GATA5: variants seen among roughly 807,000 people sequenced by gnomAD.
The protein encoded by GATA5 is GATA binding protein 5.
Under a neutral mutation model 35.0 loss-of-function variants are expected in GATA5, and 27 were observed. The observed-to-expected ratio is 0.77, with a 90% CI of 0.57 to 1.06. GATA5 has a LOEUF of 1.06. Among genes scored for constraint, GATA5 ranks in the 50% least tolerant of loss-of-function variants. The probability of loss-of-function intolerance (pLI) is 0.00; values close to 1 mark genes in which losing one functional copy is unlikely to be tolerated. For missense variants in GATA5, 612 were observed against 580.0 expected, an observed-to-expected ratio of 1.06 and a Z score of -0.57; for synonymous variants, 306 against 267.8, an observed-to-expected ratio of 1.14 and a Z score of -1.39.
In GATA5 at chr20:62,465,436, T is replaced by C; in HGVS notation, c.942A>G (p.Pro314=). The part of the protein sequence containing the change: ...SGSTRNASAS[P]SAVASTDSSA... ...AGCTGTCAGTGCTGGCGACAGCAGATGGGGAGGCCGAGGCATTCCTTGTGG... is the reference window on the plus strand; with the variant it reads ...AGCTGTCAGTGCTGGCGACAGCAGACGGGGAGGCCGAGGCATTCCTTGTGG... Residue 314 remains proline (P), a synonymous_variant, in exon 6 of 7, where the codon CCA becomes CCG. Transcript: ENST00000252997. 1 of 1,609,024 alleles carries C rather than the reference T, an allele frequency of 6.2e-7. No homozygotes were observed. The highest frequency in any genetic ancestry group is 8.5e-7 in the Non-Finnish European group (1 of 1,179,660).
In GATA5 at chr20:62,475,030, C is replaced by G. The variant is rs111633561; in HGVS notation, c.492G>C (p.Leu164=). The change falls in exon 2 of 7, where the codon CTG becomes CTC. Residue 164 remains leucine, a synonymous_variant. Transcript: ENST00000252997. ...TGGGCCTGCGGCCTGGGAGGCCGTG[C>G]AGGACGCTGCCATCGAAGGGCCCGG... The part of the protein sequence containing the change: ...WTAGPFDGSV[L]HGLPGRRPTF... 2,397 of 1,392,400 alleles carry G rather than the reference C, an allele frequency of 1.7e-3. 36 individuals are homozygous for G. In the African/African-American group the frequency reaches 0.032, roughly 18 times the overall value. The allele number at this position is 1,392,400 out of a possible 1,614,324, so 86.3% of individuals were successfully genotyped here. A position where few individuals can be genotyped will look rare whatever the true frequency, so the allele number is the denominator to read the frequency against.
intron 3 of GATA5, among the ~76,000 whole-genome samples, chr20:62,466,968 C>T (rs1989608320): frequency 6.6e-6 from 1 of 152,240 alleles, no homozygotes; most frequent in Non-Finnish European, 1.5e-5. Flanking sequence ...GCGTCAGGGC[C>T]TGTGGTCCCC....
At chr20:62,468,526 G>A (rs1472827189) in intron 3 of GATA5, among the ~76,000 whole-genome samples, 7 of 152,250 alleles carry the variant, frequency 4.6e-5, no homozygotes, top group African/African-American at 1.7e-4. Context: ...GCAGGCAGTT[G>A]CCAAAGGCTC....
At chr20:62,465,128 A>G in intron 6 of GATA5, 137 bp from the exon 7 acceptor site, 1 of 903,928 alleles carries the variant, frequency 1.1e-6, no homozygotes, top group South Asian at 1.7e-5. Flanking sequence ...CTGGAATGGC[A>G]TGGGGGACCC....
chr20:62,468,883 G>T (rs1555896323), intron 3 of GATA5, among the ~76,000 whole-genome samples: 1 of 152,240 alleles, frequency 6.6e-6, no homozygotes, highest in African/African-American at 2.4e-5. Flanking sequence ...CCTTCGTGCA[G>T]GAGCAATTGG....
chr20:62,465,238 A>C, intron 6 of GATA5, 102 bp downstream of exon 6: 1 of 1,278,120 alleles, frequency 7.8e-7, no homozygotes, highest in South Asian at 1.5e-5. Context: ...TGTCCAGCCC[A>C]CCTGCTGGAA....
intron 5 of GATA5, 125 bp downstream of exon 5, chr20:62,465,709 C>T (rs113838106): frequency 4.4e-6 from 4 of 899,406 alleles, no homozygotes; most frequent in African/African-American, 3.3e-5. Flanking sequence ...CAGGGCAGAG[C>T]TGGGGGCATT....
At chr20:62,473,643 G>A in intron 2 of GATA5, 65 bp from the exon 3 acceptor site, 1 of 1,481,544 alleles carries the variant, frequency 6.7e-7, no homozygotes, top group South Asian at 1.3e-5. Flanking sequence ...CAGCTCATGG[G>A]CCGGCACCCT....
At chr20:62,473,261 C>T (rs1178884911) in intron 3 of GATA5, 142 bp downstream of exon 3, 3 of 879,822 alleles carry the variant, frequency 3.4e-6, no homozygotes, top group Non-Finnish European at 5.2e-6. Context: ...CTGACCTGAC[C>T]CACCGGGGCG....
chr20:62,466,597 G>T, intron 3 of GATA5, 46 bp from the exon 4 acceptor site: 7 of 1,527,294 alleles, frequency 4.6e-6, no homozygotes, highest in Non-Finnish European at 6.2e-6. Flanking sequence ...CCGGGTGCGC[G>T]GCTGGAGCAG....
At chr20:62,469,400 C>T (rs1345978776) in intron 3 of GATA5, among the ~76,000 whole-genome samples, 3 of 152,230 alleles carry the variant, frequency 2.0e-5, no homozygotes, top group Admixed American at 1.3e-4. Context: ...GCCCAAGGCC[C>T]ATCCTCTTCC....
rs1372413979 is a variant in GATA5 at position 62,464,534 on chromosome 20, C to T, written c.*302G>A. 2.2e-5 allele frequency: 6 copies of T among 278,180 alleles called. No individual in the cohort carries two copies. Among genetic ancestry groups the T allele is most frequent in the East Asian group, 6.1e-5 (1 of 16,266 alleles). The allele number at this position is 278,180 out of a possible 1,614,324, so 17.2% of individuals were successfully genotyped here. A position where few individuals can be genotyped will look rare whatever the true frequency, so the allele number is the denominator to read the frequency against. The stretch of plus-strand genomic sequence containing the variant: ...GGAATTCAAGTTGGTGGTGGTGGTG[C>T]CCTGCGTTGGCCTCCGCCGCAGGGG... On this transcript the variant is annotated 3_prime_UTR_variant, in exon 7 of 7. Transcript: ENST00000252997.
chr20:62,464,537 T>A lies in GATA5; in HGVS notation c.*299A>T. 1 of 284,612 alleles carries A rather than the reference T, an allele frequency of 3.5e-6. No homozygotes were observed. Among genetic ancestry groups the A allele is most frequent in the East Asian group, 5.9e-5 (1 of 16,884 alleles). The allele number at this position is 284,612 out of a possible 1,614,324, so 17.6% of individuals were successfully genotyped here. A position where few individuals can be genotyped will look rare whatever the true frequency, so the allele number is the denominator to read the frequency against. ...ATTCAAGTTGGTGGTGGTGGTGCCCTGCGTTGGCCTCCGCCGCAGGGGGCC... is the reference window on the plus strand; with the variant it reads ...ATTCAAGTTGGTGGTGGTGGTGCCCAGCGTTGGCCTCCGCCGCAGGGGGCC... On this transcript the variant is annotated 3_prime_UTR_variant, in exon 7 of 7. Transcript: ENST00000252997.
chr20:62,465,733 G>A, intron 5 of GATA5, 101 bp downstream of exon 5: 1 of 999,114 alleles, frequency 1.0e-6, no homozygotes, highest in African/African-American at 1.6e-5. Context: ...ACTTCCAGAG[G>A]ACTGTGCTTG....
Position 62,466,435 on chromosome 20 carries a change from C to G in GATA5, c.816G>C (p.Lys272Asn). Residue 272 changes from lysine to asparagine, a missense_variant, in exon 4 of 7, where the codon AAG (lysine) becomes AAC (asparagine). Transcript: ENST00000252997. Reference sequence around the variant, plus strand: ...CGGGGACCACACTCACCCCGTGCAGCTTCATGTAGAGGCCGCAGGCATTGC... The same window carrying G: ...CGGGGACCACACTCACCCCGTGCAGGTTCATGTAGAGGCCGCAGGCATTGC... ...PVCNACGLYM[K>N]LHGVPRPLAM... The G allele has an allele frequency of 6.3e-7, 1 of 1,586,738 alleles. No individual in the cohort carries two copies. The highest frequency in any genetic ancestry group is 1.3e-5 in the African/African-American group (1 of 74,454).
At chr20:62,471,065 G>A (rs782540081) in intron 3 of GATA5, among the ~76,000 whole-genome samples, 63 of 152,166 alleles carry the variant, frequency 4.1e-4, no homozygotes, top group South Asian at 4.1e-4. Flanking sequence ...TCTCAGATGA[G>A]GAGACAAAGG....
rs201106575 is a variant in GATA5 at position 62,473,526 on chromosome 20, G to C, written c.576C>G (p.Cys192Trp). 9 of 1,607,170 alleles carry C rather than the reference G, an allele frequency of 5.6e-6. No individual in the cohort carries two copies. The African/African-American group carries it at 1.1e-4, about 19-fold the overall frequency. The change falls in exon 3 of 7, where the codon TGC (cysteine) becomes TGG (tryptophan). Residue 192 changes from cysteine (C) to tryptophan (W), a missense_variant. By Grantham distance (215) the Cys-to-Trp change is radical. Coordinates refer to ENST00000252997, the MANE Select transcript of GATA5 (RefSeq NM_080473.5). ...FPGEGRECVN[C>W]GALSTPLWRR... is the part of the protein sequence containing the mutation. ...GCCACAGCGGTGTGGACAGGGCCCCGCAGTTGACACACTCACGACCCTCAC... is the reference window on the plus strand; with the variant it reads ...GCCACAGCGGTGTGGACAGGGCCCCCCAGTTGACACACTCACGACCCTCAC...
chr20:62,465,783 C>T, intron 5 of GATA5, 51 bp downstream of exon 5: 2 of 1,412,896 alleles, frequency 1.4e-6, no homozygotes, highest in Non-Finnish European at 2.0e-6. Flanking sequence ...ACTGGAGGCA[C>T]CGAAGGCCAC....
intron 3 of GATA5, among the ~76,000 whole-genome samples, chr20:62,467,669 G>A (rs1481494453): frequency 1.3e-5 from 2 of 152,208 alleles, no homozygotes; most frequent in Non-Finnish European, 2.9e-5. Flanking sequence ...CTGCCCTCCC[G>A]GCGGCAGCCA....
Sources: gnomAD v4.1 joint callset for allele counts (sites outside exome capture counted in the v4.1 genomes callset) on GRCh38, gnomAD v4.1.1 for gene constraint, MANE v1.5 for transcripts, NCBI Gene and HGNC (gene_info 2026-07-23, HGNC 2026-07-21) for gene names.